Variants in VANGL2 observed in about 807,000 individuals in gnomAD.
The protein encoded by VANGL2 is vang-like protein 2.
A neutral mutation model predicts 50.2 loss-of-function variants in VANGL2; 14 were observed. That is an observed-to-expected ratio of 0.28 (90% CI 0.18 to 0.44). The LOEUF is 0.44. Among genes scored for constraint, VANGL2 ranks in the 20% least tolerant of loss-of-function variants. The probability of loss-of-function intolerance (pLI) is 1.00; values close to 1 mark genes in which losing one functional copy is unlikely to be tolerated. For synonymous variants in VANGL2, 295 were observed against 297.2 expected (o/e 0.99, Z 0.08); for missense variants, 533 against 701.5 (o/e 0.76, Z 2.71).
At chr1:160,418,140 C>T (rs920743755) in intron 3 of VANGL2, among the ~76,000 whole-genome samples, 6 of 152,218 alleles carry the variant, frequency 3.9e-5, no homozygotes, top group South Asian at 2.1e-4. Context: ...AGGCTGGTCT[C>T]GAACTCCCGA....
chr1:160,419,567 C>T lies in VANGL2; in HGVS notation c.758C>T (p.Ser253Phe). ...QPQFTLKVVR[S>F]TDGASRFYNV... ...CAGTTCACGCTCAAGGTCGTGCGCT[C>T]CACCGACGGCGCCAGCCGCTTCTAC... The change falls in exon 4 of 8, where the codon TCC becomes TTC. Residue 253 changes from serine to phenylalanine, a missense_variant. Coordinates refer to ENST00000368061, the MANE Select transcript of VANGL2 (RefSeq NM_020335.3). This position sits in a 1 kb window ranked among gnomAD's most constrained non-coding sequence, Gnocchi z 5.8. 1 of 1,599,744 alleles carries T rather than the reference C, an allele frequency of 6.3e-7. No individual in the cohort carries two copies. Among genetic ancestry groups the T allele is most frequent in the Non-Finnish European group, 8.5e-7 (1 of 1,179,752 alleles).
chr1:160,427,421 CTG>C lies in VANGL2; in HGVS notation c.*2046_*2047del, dbSNP rs1378598406. On this transcript the variant is annotated 3_prime_UTR_variant, in exon 8 of 8. Transcript: ENST00000368061. ...TAAGATCCTGCCATGTTTTTAATCA[CTG>C]TGATTTTTTTTTCATTCCCCTTTCC... The C allele has an allele frequency of 6.6e-6, 1 of 152,242 alleles. No individual in the cohort carries two copies. Among genetic ancestry groups the C allele is most frequent in the Non-Finnish European group, 1.5e-5 (1 of 67,970 alleles). The allele number at this position is 152,242 out of a possible 1,614,324, so 9.4% of individuals were successfully genotyped here.
rs889020261 is a variant in VANGL2 at position 160,419,328 on chromosome 1, C to T, written c.519C>T (p.Ala173=). The change falls in exon 4 of 8, where the codon GCC becomes GCT. Residue 173 remains alanine (A), a synonymous_variant. Transcript: ENST00000368061. The surrounding 1 kb of genome is among the most constrained non-coding windows in gnomAD (Gnocchi z 5.8). ...SWALFFRRPK[A]SLPRVFVLRA... ...CTCTGTTCTTCCGCCGGCCCAAGGCCTCGCTGCCCCGCGTCTTTGTGCTGC... is the reference window on the plus strand; with the variant it reads ...CTCTGTTCTTCCGCCGGCCCAAGGCTTCGCTGCCCCGCGTCTTTGTGCTGC... The T allele has an allele frequency of 6.2e-7, 1 of 1,609,958 alleles. No homozygotes were observed. Among genetic ancestry groups the T allele is most frequent in the Non-Finnish European group, 8.5e-7 (1 of 1,180,014 alleles).
intron 3 of VANGL2, among the ~76,000 whole-genome samples, chr1:160,418,083 T>TTG (rs1032146290): frequency 6.6e-6 from 1 of 151,850 alleles, no homozygotes; most frequent in Non-Finnish European, 1.5e-5. Flanking sequence ...AGCTAATTTT[T>TTG]TGTGTGTGTG....
Position 160,425,649 on chromosome 1 carries a change from G to A in VANGL2, c.*271G>A. 1 of 419,020 alleles carries A rather than the reference G, an allele frequency of 2.4e-6. No individual in the cohort carries two copies. Among genetic ancestry groups the A allele is most frequent in the Non-Finnish European group, 4.3e-6 (1 of 234,146 alleles). 26.0% of individuals were successfully genotyped at this position (419,020 alleles called of 1,614,324 possible). On this transcript the variant is annotated 3_prime_UTR_variant, in exon 8 of 8. Coordinates refer to ENST00000368061, the MANE Select transcript of VANGL2 (RefSeq NM_020335.3). ...ATTACTCTAGGCCCTGCAGGAATCA[G>A]TGCCTCTCTCCCTCTTCTTTCCCTA...
intron 7 of VANGL2, 41 bp downstream of exon 7, chr1:160,424,324 G>C: frequency 2.5e-6 from 4 of 1,584,044 alleles, no homozygotes; most frequent in Non-Finnish European, 3.5e-6. Context: ...TCCTTCCCCA[G>C]CTCCTCTTCT....
intron 1 of VANGL2, among the ~76,000 whole-genome samples, chr1:160,408,821 A>T (rs1366979079): frequency 1.3e-5 from 2 of 152,008 alleles, no homozygotes; most frequent in Non-Finnish European, 2.9e-5. Flanking sequence ...AGGGTTTAGG[A>T]ATGAGGGTCA....
intron 1 of VANGL2, among the ~76,000 whole-genome samples, chr1:160,402,686 C>A (rs1650514927): frequency 6.6e-6 from 1 of 152,018 alleles, no homozygotes; most frequent in Non-Finnish European, 1.5e-5. Context: ...GGCCAGGTAC[C>A]CATTGCAGGC....
intron 4 of VANGL2, among the ~76,000 whole-genome samples, chr1:160,420,075 C>T (rs1329881928): frequency 1.3e-5 from 2 of 152,018 alleles, no homozygotes; most frequent in Non-Finnish European, 2.9e-5. Flanking sequence ...AGCTACCCCT[C>T]GAGGCCACAC....
chr1:160,406,322 T>C (rs899423747), intron 1 of VANGL2, among the ~76,000 whole-genome samples: 1 of 152,164 alleles, frequency 6.6e-6, no homozygotes. Flanking sequence ...AATTCCCCTG[T>C]TTTCTGAAAA....
intron 1 of VANGL2, among the ~76,000 whole-genome samples, chr1:160,413,850 A>G (rs1650968869): frequency 6.6e-6 from 1 of 152,084 alleles, no homozygotes; most frequent in Non-Finnish European, 1.5e-5. Context: ...CTGTCCTCCA[A>G]GTCTGGCTCG....
intron 7 of VANGL2, 70 bp downstream of exon 7, chr1:160,424,353 C>G (rs1651376241): frequency 6.9e-7 from 1 of 1,444,742 alleles, no homozygotes; most frequent in African/African-American, 1.4e-5. Flanking sequence ...TTCATTTTCC[C>G]TTATTCTCTC....
At chr1:160,421,429 C>A (rs1651270365) in intron 6 of VANGL2, among the ~76,000 whole-genome samples, 1 of 152,176 alleles carries the variant, frequency 6.6e-6, no homozygotes, top group Non-Finnish European at 1.5e-5. Context: ...TGTGCTCAGG[C>A]CTCACAGGCT....
rs61744131 is a variant in VANGL2 at position 160,420,499 on chromosome 1, G to A, written c.889G>A (p.Val297Ile). 45 of 1,614,018 alleles carry A rather than the reference G, an allele frequency of 2.8e-5. No individual in the cohort carries two copies. The highest frequency in any genetic ancestry group is 1.6e-4 in the East Asian group (7 of 44,876). The change falls in exon 5 of 8, where the codon GTC becomes ATC. Residue 297 changes from valine (V) to isoleucine (I), a missense_variant. Transcript: ENST00000368061. ...NPALLNLPKS[V>I]LAKKVSGFKV... ...TGCCCTCCTCAACCTGCCCAAGTCC[G>A]TCCTGGCCAAGAAAGTGTCTGGCTT...
intron 1 of VANGL2, among the ~76,000 whole-genome samples, chr1:160,411,534 A>C (rs1650880131): frequency 6.6e-6 from 1 of 152,034 alleles, no homozygotes; most frequent in Non-Finnish European, 1.5e-5. Context: ...CCCCAGCAGC[A>C]GTGCTTGGAT....
rs527733915 is a variant in VANGL2, at chr1:160,416,258, G to T, written c.192+76G>T. ...TGAGGGGCTGGAGGCTCCACGGAGT[G>T]GGGGAGGGCTTGGAAACCTGGTCTC... On this transcript the variant is annotated intron_variant, in intron 3 of 7. Transcript: ENST00000368061. 221 of 1,609,164 alleles carry T rather than the reference G, an allele frequency of 1.4e-4. 1 individual carries two copies. The East Asian group carries it at 1.7e-3, about 12-fold the overall frequency.
chr1:160,401,090 T>TTGGGGAGGGGAAGGGGCTCG (rs1650443228), intron 1 of VANGL2, among the ~76,000 whole-genome samples: 1 of 151,238 alleles, frequency 6.6e-6, no homozygotes, highest in Non-Finnish European at 1.5e-5. Flanking sequence ...CCCCCCAACT[T>TTGGGGAGGGGAAGGGGCTCG]TGGGGAGGGG....
intron 6 of VANGL2, among the ~76,000 whole-genome samples, chr1:160,422,364 A>G (rs12744299): frequency 0.26 from 39,088 of 152,168 alleles, 5,331 homozygotes; most frequent in Middle Eastern, 0.32. Flanking sequence ...TTTGGCACAT[A>G]GAGGACTCTT....
chr1:160,419,637 G>A lies in VANGL2; in HGVS notation c.800+28G>A. 6.3e-7 allele frequency: 1 copy of A among 1,596,308 alleles called. No homozygotes were observed. Among genetic ancestry groups the A allele is most frequent in the African/African-American group, 1.3e-5 (1 of 74,944 alleles). ...ACTAGCCCACGGCTGGAGAAGGGTT[G>A]GGAGGGAAAGGGCATGGGAGGATGT... On this transcript the variant is annotated intron_variant, in intron 4 of 7. Coordinates refer to ENST00000368061, the MANE Select transcript of VANGL2 (RefSeq NM_020335.3). The surrounding 1 kb of genome is among the most constrained non-coding windows in gnomAD (Gnocchi z 5.8).
Sources: allele counts gnomAD v4.1 joint callset (sites outside exome capture counted in the v4.1 genomes callset), GRCh38; gene constraint gnomAD v4.1.1; non-coding constraint Gnocchi (gnomAD v3.1); transcripts MANE v1.5; gene names NCBI Gene and HGNC (gene_info 2026-07-23, HGNC 2026-07-21).